The following MICAL3 variants were observed in gnomAD, a reference collection of about 807,000 sequenced individuals.
MICAL3 encodes the protein microtubule associated monooxygenase, calponin and LIM domain containing 3.
A neutral mutation model predicts 207.4 loss-of-function variants in MICAL3; 62 were observed. The ratio of observed to expected loss-of-function variants is 0.30; its 90% CI spans 0.24 to 0.37. The LOEUF is 0.37. MICAL3 is among the 10% of genes least tolerant of loss of function. MICAL3 has a pLI of 1.00. For synonymous variants in MICAL3, 1,077 were observed against 1,069.3 expected, an observed-to-expected ratio of 1.01 and a Z score of -0.14; for missense variants, 2,368 against 2,635.6, an observed-to-expected ratio of 0.90 and a Z score of 2.22.
intron 19 of MICAL3, among the ~76,000 whole-genome samples, chr22:17,857,997 G>C (rs888087556): frequency 1.3e-5 from 2 of 152,224 alleles, no homozygotes; most frequent in Non-Finnish European, 2.9e-5. Context: ...AAAATATTCA[G>C]AAAGTGTTCA....
intron 16 of MICAL3, chr22:17,872,780 T>C (rs1162337726): frequency 6.8e-6 from 11 of 1,613,802 alleles, no homozygotes; most frequent in Non-Finnish European, 9.3e-6. Context: ...CTTTGGGTTG[T>C]TCTTTCCTTT....
chr22:17,925,701 C>T (rs1397778632), intron 1 of MICAL3, among the ~76,000 whole-genome samples: 1 of 152,064 alleles, frequency 6.6e-6, no homozygotes, highest in Non-Finnish European at 1.5e-5. Context: ...TAGTGCTTCT[C>T]AAACTAAAAT....
intron 1 of MICAL3, among the ~76,000 whole-genome samples, chr22:17,959,313 C>G (rs1934786908): frequency 6.7e-6 from 1 of 149,154 alleles, no homozygotes; most frequent in South Asian, 2.1e-4. Flanking sequence ...CCGTGCCCAG[C>G]CATCGGCCTG....
chr22:17,976,996 C>T (rs186116560), intron 1 of MICAL3, among the ~76,000 whole-genome samples: 50 of 151,966 alleles, frequency 3.3e-4, no homozygotes, highest in Admixed American at 5.9e-4. Flanking sequence ...TTAGTAGAGA[C>T]GGGGTTTCAC....
intron 16 of MICAL3, chr22:17,876,805 AGG>A: frequency 4.7e-5 from 5 of 107,406 alleles, no homozygotes; most frequent in African/African-American, 1.8e-4. Context: ...GAAGTTATGG[AGG>A]TTAGGGAGGT....
intron 17 of MICAL3, among the ~76,000 whole-genome samples, chr22:17,869,550 A>C (rs1927503610): frequency 6.6e-6 from 1 of 152,198 alleles, no homozygotes; most frequent in Non-Finnish European, 1.5e-5. Context: ...CTTTGCAAAA[A>C]AAGAAACAGC....
chr22:17,872,655 G>A (rs1056273278), intron 16 of MICAL3: 7 of 796,518 alleles, frequency 8.8e-6, no homozygotes, highest in African/African-American at 8.4e-5. Flanking sequence ...TAGCATACAC[G>A]GGCTATGCAA....
intron 1 of MICAL3, among the ~76,000 whole-genome samples, chr22:17,939,991 C>A (rs1700926988): frequency 6.6e-6 from 1 of 152,182 alleles, no homozygotes; most frequent in Admixed American, 6.5e-5. Flanking sequence ...CCCCTAGAGT[C>A]AAAGCACCAC....
chr22:17,852,526 G>A (rs1925441627), intron 19 of MICAL3, among the ~76,000 whole-genome samples: 1 of 152,216 alleles, frequency 6.6e-6, no homozygotes, highest in Admixed American at 6.5e-5. Context: ...CAGGCTCGGG[G>A]CACCCTTTCT....
At chr22:17,805,676 C>A (rs147056545) in intron 29 of MICAL3, among the ~76,000 whole-genome samples, 163 of 152,330 alleles carry the variant, frequency 1.1e-3, no homozygotes, top group African/African-American at 3.8e-3. Context: ...ACCTGATGTA[C>A]AAATACTTGT....
Position 17,900,645 on chromosome 22 carries a change from G to A in MICAL3, c.847+197C>T, listed in dbSNP as rs540079267. Among the ~76,000 whole-genome samples the A allele has an allele frequency of 4.6e-5, 7 of 152,256 alleles. No individual in the cohort carries two copies. The East Asian group carries it at 9.7e-4, about 21-fold the overall frequency. On this transcript the variant is annotated intron_variant, in intron 6 of 31. Transcript: ENST00000441493. The surrounding 1 kb of genome is among the most constrained non-coding windows in gnomAD (Gnocchi z 4.0). ...AGAGCCGCCCAGTCACTGTGAGGAG[G>A]TTAAGAATACAAGAGGAGGAGACAA... is the stretch of plus-strand genomic sequence containing the variant.
chr22:17,841,689 TG>T lies in MICAL3; in HGVS notation c.2801+132del. 1.2e-6 allele frequency: 1 copy of T among 837,610 alleles called. No individual in the cohort carries two copies. The highest frequency in any genetic ancestry group is 1.9e-6 in the Non-Finnish European group (1 of 532,648). The allele number at this position is 837,610 out of a possible 1,614,324, so 51.9% of individuals were successfully genotyped here. A position where few individuals can be genotyped will look rare whatever the true frequency, so the allele number is the denominator to read the frequency against. On this transcript the variant is annotated intron_variant, in intron 20 of 31. Coordinates refer to ENST00000441493, the MANE Select transcript of MICAL3 (RefSeq NM_015241.3). The surrounding 1 kb of genome is among the most constrained non-coding windows in gnomAD (Gnocchi z 4.2). ...ATGAGGCTAAGAACCTAAAAGGGAC[TG>T]GGGAGAATGGACTGCGGGCAGCAGG... is the stretch of plus-strand genomic sequence containing the variant.
intron 29 of MICAL3, among the ~76,000 whole-genome samples, chr22:17,792,602 C>A (rs1305141274): frequency 1.3e-5 from 2 of 152,238 alleles, no homozygotes; most frequent in African/African-American, 2.4e-5. Context: ...CACAGACACA[C>A]CTCTTATCTG....
intron 18 of MICAL3, among the ~76,000 whole-genome samples, chr22:17,865,651 G>A (rs970853394): frequency 2.6e-5 from 4 of 152,218 alleles, no homozygotes; most frequent in Non-Finnish European, 5.9e-5. Context: ...GTTGACGAAG[G>A]CAGATGTCTA....
rs1487406052 is a variant in MICAL3 at position 17,900,246 on chromosome 22, C to A, written c.847+596G>T. Reference sequence around the variant, plus strand: ...CACCAAGCAGCATGCCTCAGCATCACAGCACAGGGCAGGCATTGGGAAGAA... The same window carrying A: ...CACCAAGCAGCATGCCTCAGCATCAAAGCACAGGGCAGGCATTGGGAAGAA... On this transcript the variant is annotated intron_variant, in intron 6 of 31. Coordinates refer to ENST00000441493, the MANE Select transcript of MICAL3 (RefSeq NM_015241.3). The surrounding 1 kb of genome is among the most constrained non-coding windows in gnomAD (Gnocchi z 4.0). Among the ~76,000 whole-genome samples, 1 of 152,182 alleles carries A rather than the reference C, an allele frequency of 6.6e-6. No homozygotes were observed. Among genetic ancestry groups the A allele is most frequent in the Non-Finnish European group, 1.5e-5 (1 of 68,044 alleles).
chr22:17,817,295 C>T lies in MICAL3; in HGVS notation c.5350+16G>A. ...CCTCCCGCTCTGCCTGCACGCGGACCCGGCTGCTGACGCACCTGCCCTTAC... is the reference window on the plus strand; with the variant it reads ...CCTCCCGCTCTGCCTGCACGCGGACTCGGCTGCTGACGCACCTGCCCTTAC... On this transcript the variant is annotated intron_variant, in intron 26 of 31. Coordinates refer to ENST00000441493, the MANE Select transcript of MICAL3 (RefSeq NM_015241.3). 1.3e-6 allele frequency: 2 copies of T among 1,570,404 alleles called. No homozygotes were observed. The highest frequency in any genetic ancestry group is 1.2e-5 in the South Asian group (1 of 86,220).
intron 19 of MICAL3, among the ~76,000 whole-genome samples, chr22:17,842,665 C>G (rs1026171451): frequency 1.3e-5 from 2 of 152,256 alleles, no homozygotes; most frequent in African/African-American, 4.8e-5. Context: ...GGCACCCAGG[C>G]CTCTCTGCGA....
rs1923665117 is a variant in MICAL3, at chr22:17,838,679, C to T, written c.2801+3143G>A. Reference sequence around the variant, plus strand: ...ACTCCAAAGTCAGGTTCTGAAACATCACGCTGCTGTCCCCTGCAGCAGAGG... The same window carrying T: ...ACTCCAAAGTCAGGTTCTGAAACATTACGCTGCTGTCCCCTGCAGCAGAGG... On this transcript the variant is annotated intron_variant, in intron 20 of 31. Coordinates refer to ENST00000441493, the MANE Select transcript of MICAL3 (RefSeq NM_015241.3). Among the ~76,000 whole-genome samples, 4 of 152,186 alleles carry T rather than the reference C, an allele frequency of 2.6e-5. 1 individual carries two copies. In the South Asian group the frequency reaches 8.3e-4, roughly 32 times the overall value.
At chr22:17,986,392 C>T (rs958554268) in intron 1 of MICAL3, among the ~76,000 whole-genome samples, 1 of 152,136 alleles carries the variant, frequency 6.6e-6, no homozygotes, top group Admixed American at 6.5e-5. Flanking sequence ...TGGTAACACA[C>T]GCCTGTAGTC....
Sources: allele counts gnomAD v4.1 joint callset (sites outside exome capture counted in the v4.1 genomes callset), GRCh38; gene constraint gnomAD v4.1.1; non-coding constraint Gnocchi (gnomAD v3.1); transcripts MANE v1.5; gene names NCBI Gene and HGNC (gene_info 2026-07-23, HGNC 2026-07-21).